KIAA1671: variants seen among roughly 807,000 people sequenced by gnomAD.
The protein encoded by KIAA1671 is KIAA1671, also known as uncharacterized protein KIAA1671.
KIAA1671 carries 52 observed loss-of-function variants against 131.2 expected under a neutral mutation model. That is an observed-to-expected ratio of 0.40 (90% confidence interval 0.32 to 0.50). The LOEUF (loss-of-function observed/expected upper bound fraction) is 0.50, where lower values mean the gene tolerates loss of function less well. KIAA1671 is among the 20% of genes least tolerant of loss of function. The probability of loss-of-function intolerance (pLI) is 0.73; values close to 1 mark genes in which losing one functional copy is unlikely to be tolerated. For synonymous variants in KIAA1671, 1,003 were observed against 961.6 expected (o/e 1.04, Z -0.80); for missense variants, 2,360 against 2,364.2 (o/e 1.00, Z 0.04).
At chr22:25,019,110 CCA>C (rs1205421269) in intron 1 of KIAA1671, among the ~76,000 whole-genome samples, 4 of 144,218 alleles carry the variant, frequency 2.8e-5, no homozygotes, top group Non-Finnish European at 6.0e-5. Context: ...TAAGTAATAG[CCA>C]CTCTCATGGG....
At chr22:25,014,304 T>G (rs1272022722) in intron 1 of KIAA1671, 1 of 152,202 alleles carries the variant, frequency 6.6e-6, no homozygotes, top group East Asian at 1.9e-4. Context: ...AACAAATTTC[T>G]AAATAGGATG....
chr22:25,160,394 T>C (rs2145992949), intron 6 of KIAA1671, among the ~76,000 whole-genome samples: 1 of 152,286 alleles, frequency 6.6e-6, no homozygotes, highest in African/African-American at 2.4e-5. Flanking sequence ...ACCTCCCTGT[T>C]ACTCTTGCCC....
At chr22:24,995,821 A>C (rs910384298) in intron 1 of KIAA1671, among the ~76,000 whole-genome samples, 1 of 152,270 alleles carries the variant, frequency 6.6e-6, no homozygotes, top group African/African-American at 2.4e-5. Flanking sequence ...TAGATGAGGA[A>C]GATGAGGCTC....
intron 1 of KIAA1671, among the ~76,000 whole-genome samples, chr22:24,956,594 T>C (rs1921711460): frequency 6.6e-6 from 1 of 151,990 alleles, no homozygotes; most frequent in South Asian, 2.1e-4. Flanking sequence ...CAGCCGGGCG[T>C]GGTGGCTCAC....
rs191226022 is a variant in KIAA1671 at position 25,150,844 on chromosome 22, T to C, written c.4531-19976T>C. Among the ~76,000 whole-genome samples, 89 of 149,218 alleles carry C rather than the reference T, an allele frequency of 6.0e-4. 1 individual carries two copies. The highest frequency in any genetic ancestry group is 9.3e-4 in the Admixed American group (14 of 15,084). Reference sequence around the variant, plus strand: ...GTGTTCTGGGTCCTTTGCTTTTTTTTTTTTTTGAGATGGAGTCTCACTCCA... The same window carrying C: ...GTGTTCTGGGTCCTTTGCTTTTTTTCTTTTTTGAGATGGAGTCTCACTCCA... On this transcript the variant is annotated intron_variant, in intron 6 of 12. Coordinates refer to ENST00000358431, the MANE Select transcript of KIAA1671 (RefSeq NM_001145206.2).
Position 25,038,987 on chromosome 22 carries a change from G to A in KIAA1671, c.1857G>A (p.Val619=). The change falls in exon 5 of 13, where the codon GTG becomes GTA. Residue 619 remains valine (V), a synonymous_variant. Coordinates refer to ENST00000358431, the MANE Select transcript of KIAA1671 (RefSeq NM_001145206.2). ...TVWATVFEHH[V]ERHTVADQSG... Reference sequence around the variant, plus strand: ...GGGCCACAGTATTTGAGCACCACGTGGAGAGACACACAGTGGCTGACCAGT... The same window carrying A: ...GGGCCACAGTATTTGAGCACCACGTAGAGAGACACACAGTGGCTGACCAGT... 2.6e-6 allele frequency: 4 copies of A among 1,551,778 alleles called. No individual in the cohort carries two copies. The highest frequency in any genetic ancestry group is 1.7e-4 in the Middle Eastern group (1 of 5,992).
chr22:25,032,408 GT>G (rs939306120), intron 3 of KIAA1671, among the ~76,000 whole-genome samples, 200 bp from the exon 4 acceptor site: 3 of 152,242 alleles, frequency 2.0e-5, no homozygotes, highest in South Asian at 4.1e-4. Flanking sequence ...GCACCTGGGT[GT>G]CTTCCCCCAG....
intron 1 of KIAA1671, among the ~76,000 whole-genome samples, chr22:24,958,774 T>G (rs946595434): frequency 6.6e-6 from 1 of 151,384 alleles, no homozygotes; most frequent in African/African-American, 2.4e-5. Flanking sequence ...AGTTCAAGAT[T>G]AGCCTAGCCA....
At chr22:25,150,206 G>A (rs148405919) in intron 6 of KIAA1671, among the ~76,000 whole-genome samples, 87 of 152,276 alleles carry the variant, frequency 5.7e-4, no homozygotes, top group Non-Finnish European at 9.7e-4. Flanking sequence ...GAGGCAGACG[G>A]GCATTGTTTT....
intron 8 of KIAA1671, 55 bp from the exon 9 acceptor site, chr22:25,177,293 C>A (rs1184073447): frequency 1.4e-6 from 2 of 1,480,418 alleles, no homozygotes; most frequent in Non-Finnish European, 1.8e-6. Flanking sequence ...GTTGTGGTAC[C>A]CTCCATTGAT....
At chr22:25,177,157 T>G (rs1934061517) in intron 8 of KIAA1671, 191 bp from the exon 9 acceptor site, 1 of 596,278 alleles carries the variant, frequency 1.7e-6, no homozygotes, top group South Asian at 2.2e-5. Flanking sequence ...CATCAGCCTA[T>G]GGGGTATGTT....
chr22:25,039,407 C>T lies in KIAA1671; in HGVS notation c.2277C>T (p.Leu759=), dbSNP rs995305705. The T allele has an allele frequency of 4.5e-6, 7 of 1,551,678 alleles. No homozygotes were observed. The highest frequency in any genetic ancestry group is 1.2e-5 in the South Asian group (1 of 84,064). The change falls in exon 5 of 13, where the codon CTC becomes CTT. Residue 759 remains leucine (L), a synonymous_variant. Transcript: ENST00000358431. ...CACCGGAGGAGAAAGCGGTCACGCT[C>T]CGCAGCCTCAGGTCTTGGCTCTCAC... ...SPAPEEKAVT[L]RSLRSWLSLK...
Position 25,049,356 on chromosome 22 carries a change from C to A in KIAA1671, c.4522C>A (p.Pro1508Thr). Residue 1508 changes from proline (P) to threonine (T), a missense_variant, in exon 6 of 13, where the codon CCC (proline) becomes ACC (threonine). Around this residue, in one of 3 missense-constraint regions of KIAA1671, gnomAD observed 1,161 missense variants for 1,204.7 expected, o/e 0.96. Transcript: ENST00000358431. The part of the protein sequence containing the change: ...HSFCKDRRSG[P>T]FVDQLKQCFS... Reference sequence around the variant, plus strand: ...CTTCTGCAAAGACAGGAGGAGTGGGCCCTTTGTGGTGAGTGATGCAACATG... The same window carrying A: ...CTTCTGCAAAGACAGGAGGAGTGGGACCTTTGTGGTGAGTGATGCAACATG... 1 of 1,549,700 alleles carries A rather than the reference C, an allele frequency of 6.5e-7. No homozygotes were observed. Among genetic ancestry groups the A allele is most frequent in the Non-Finnish European group, 8.7e-7 (1 of 1,145,366 alleles).
intron 1 of KIAA1671, among the ~76,000 whole-genome samples, chr22:24,971,049 C>T (rs1922586334): frequency 6.6e-6 from 1 of 152,174 alleles, no homozygotes; most frequent in African/African-American, 2.4e-5. Flanking sequence ...CCTCTGCCTC[C>T]CGGATTCAAG....
intron 9 of KIAA1671, chr22:25,179,495 A>G (rs1243921863): frequency 6.2e-7 from 1 of 1,612,510 alleles, no homozygotes; most frequent in Non-Finnish European, 8.5e-7. Flanking sequence ...CGCCTTGTGC[A>G]GCACCTCCCG....
At position 25,009,585 on chromosome 22, in the gene KIAA1671, C is replaced by CT. The variant is rs796198952; in HGVS notation, c.-207-16037dup. On this transcript the variant is annotated intron_variant, in intron 1 of 12. Transcript: ENST00000358431. Reference sequence around the variant, plus strand: ...CAGCCCCCTTCCCCACTTTTTTTTTCTTTTTTTTTTTCTTGAGACAGAGTC... The same window carrying CT: ...CAGCCCCCTTCCCCACTTTTTTTTTCTTTTTTTTTTTTCTTGAGACAGAGTC... The CT allele has an allele frequency of 5.3e-3, 704 of 132,770 alleles. 8 individuals are homozygous for CT. Among genetic ancestry groups the CT allele is most frequent in the African/African-American group, 0.016 (575 of 36,004 alleles). The allele number at this position is 132,770 out of a possible 1,614,324, so 8.2% of individuals were successfully genotyped here.
chr22:24,985,532 G>A (rs911021920), intron 1 of KIAA1671, among the ~76,000 whole-genome samples: 5 of 152,084 alleles, frequency 3.3e-5, no homozygotes, highest in African/African-American at 1.2e-4. Flanking sequence ...GTAAAGATGG[G>A]GTTTCACCGG....
At chr22:25,093,457 C>T (rs1402042541) in intron 6 of KIAA1671, among the ~76,000 whole-genome samples, 1 of 152,150 alleles carries the variant, frequency 6.6e-6, no homozygotes, top group East Asian at 1.9e-4. Context: ...CCTCCCCTGA[C>T]CTGTTTCTGT....
intron 6 of KIAA1671, among the ~76,000 whole-genome samples, chr22:25,068,916 A>G (rs941384942): frequency 3.9e-5 from 6 of 151,966 alleles, no homozygotes; most frequent in Admixed American, 6.6e-5. Flanking sequence ...GCCTCTGTGA[A>G]CACCTCCCCC....
Sources: gnomAD v4.1 joint callset for allele counts (sites outside exome capture counted in the v4.1 genomes callset) on GRCh38, gnomAD v4.1.1 for gene constraint, gnomAD v4.1.1 regional missense constraint, MANE v1.5 for transcripts, NCBI Gene and HGNC (gene_info 2026-07-23, HGNC 2026-07-21) for gene names.